Variants in FAM229B observed in about 807,000 individuals in gnomAD.
The protein encoded by FAM229B is protein FAM229B.
In FAM229B, 2 loss-of-function variants were observed where a neutral mutation model predicts 6.7. That is an observed-to-expected ratio of 0.30 (90% confidence interval 0.12 to 0.94). The LOEUF is 0.94. Among genes scored for constraint, FAM229B ranks in the 40% least tolerant of loss-of-function variants. The probability of loss-of-function intolerance (pLI) is 0.54; values close to 1 mark genes in which losing one functional copy is unlikely to be tolerated. For missense variants in FAM229B, 93 were observed against 96.2 expected (o/e 0.97, Z 0.14); for synonymous variants, 29 against 34.0 (o/e 0.85, Z 0.51).
At chr6:112,100,173 T>A (rs1215255842) in intron 3 of FAM229B, among the ~76,000 whole-genome samples, 1 of 152,244 alleles carries the variant, frequency 6.6e-6, no homozygotes, top group African/African-American at 2.4e-5. Flanking sequence ...ATATATTCGA[T>A]GTATTTTTGA....
chr6:112,094,886 C>T (rs1554318518), intron 1 of FAM229B, among the ~76,000 whole-genome samples: 1 of 152,104 alleles, frequency 6.6e-6, no homozygotes, highest in East Asian at 1.9e-4. Flanking sequence ...TTGCATTGCT[C>T]TTGTTTATCT....
At chr6:112,093,389 A>G (rs1777282284) in intron 1 of FAM229B, among the ~76,000 whole-genome samples, 2 of 152,090 alleles carry the variant, frequency 1.3e-5, no homozygotes, top group South Asian at 4.1e-4. Context: ...AAAACTGCAG[A>G]ATAGAAAGGA....
intron 1 of FAM229B, among the ~76,000 whole-genome samples, chr6:112,089,406 A>G (rs1777227458): frequency 6.6e-6 from 1 of 152,176 alleles, no homozygotes; most frequent in South Asian, 2.1e-4. Flanking sequence ...AATTCATCAT[A>G]TCTACTTTGT....
intron 2 of FAM229B, among the ~76,000 whole-genome samples, chr6:112,098,783 C>A (rs1344765464): frequency 7.2e-5 from 11 of 152,174 alleles, no homozygotes; most frequent in Non-Finnish European, 1.5e-4. Context: ...TAAAGGCATA[C>A]AGAATTTTGT....
chr6:112,100,896 C>A lies in FAM229B; in HGVS notation c.*109C>A. The A allele has an allele frequency of 1.3e-6, 1 of 781,268 alleles. No homozygotes were observed. The highest frequency in any genetic ancestry group is 2.2e-6 in the Non-Finnish European group (1 of 457,084). 48.4% of individuals were successfully genotyped at this position (781,268 alleles called of 1,614,324 possible). A position where few individuals can be genotyped will look rare whatever the true frequency, so the allele number is the denominator to read the frequency against. On this transcript the variant is annotated 3_prime_UTR_variant, in exon 4 of 4. Coordinates refer to ENST00000368656, the MANE Select transcript of FAM229B (RefSeq NM_001033564.3). ...TGGTGGCACCTTTAGATGATGACAA[C>A]AGTTGAGCTCTTTACTTTTAGTAAG...
At chr6:112,090,626 A>G (rs781834450) in intron 1 of FAM229B, among the ~76,000 whole-genome samples, 5 of 152,190 alleles carry the variant, frequency 3.3e-5, no homozygotes, top group South Asian at 4.1e-4. Context: ...TACATGATAC[A>G]TGTCCATTGA....
At position 112,099,314 on chromosome 6, in the gene FAM229B, A is replaced by T. The variant is rs781818226; in HGVS notation, c.31A>T (p.Arg11Trp). ...TTTTCAATTTGGAACCCAGCCAAGG[A>T]GGTTTCCAGTGGAAGGAGGAGATTC... MPFQFGTQPR[R>W]FPVEGGDSSI... Residue 11 changes from arginine to tryptophan, a missense_variant, in exon 3 of 4, where the codon AGG becomes TGG. Physicochemically the swap from Arg to Trp is moderately radical, Grantham distance 101. Transcript: ENST00000368656. 1 of 1,613,810 alleles carries T rather than the reference A, an allele frequency of 6.2e-7. No homozygotes were observed. The highest frequency in any genetic ancestry group is 1.1e-5 in the South Asian group (1 of 91,062).
At chr6:112,100,336 T>C (rs2114511618) in intron 3 of FAM229B, among the ~76,000 whole-genome samples, 2 of 152,370 alleles carry the variant, frequency 1.3e-5, no homozygotes, top group East Asian at 3.9e-4. Context: ...TGCACATGAA[T>C]TGCCACGGTA....
At chr6:112,090,524 C>G (rs1777243808) in intron 1 of FAM229B, among the ~76,000 whole-genome samples, 1 of 152,018 alleles carries the variant, frequency 6.6e-6, no homozygotes, top group South Asian at 2.1e-4. Context: ...AAGTCTGGAC[C>G]AAAGTCTGTA....
chr6:112,088,648 G>A (rs1412711935), intron 1 of FAM229B, among the ~76,000 whole-genome samples: 1 of 152,102 alleles, frequency 6.6e-6, no homozygotes, highest in Non-Finnish European at 1.5e-5. Context: ...GTAATAGGCA[G>A]CTTTCGGTCA....
intron 3 of FAM229B, 111 bp downstream of exon 3, chr6:112,099,519 T>A: frequency 9.1e-7 from 1 of 1,098,024 alleles, no homozygotes; most frequent in Non-Finnish European, 1.3e-6. Context: ...TTCAAAAACA[T>A]TGTTGTTTCT....
intron 3 of FAM229B, 75 bp from the exon 4 acceptor site, chr6:112,100,595 C>A: frequency 1.1e-6 from 1 of 941,940 alleles, no homozygotes; most frequent in South Asian, 1.4e-5. Context: ...AATATACAAT[C>A]AAACTTTGGT....
intron 2 of FAM229B, 103 bp from the exon 3 acceptor site, chr6:112,099,167 C>G (rs782187262): frequency 8.8e-6 from 9 of 1,025,162 alleles, no homozygotes; most frequent in South Asian, 1.7e-5. Flanking sequence ...GAGACTCTGA[C>G]TCTTTAAAAC....
chr6:112,100,505 A>G (rs1160376822), intron 3 of FAM229B, among the ~76,000 whole-genome samples, 165 bp from the exon 4 acceptor site: 4 of 152,236 alleles, frequency 2.6e-5, no homozygotes, highest in Non-Finnish European at 5.9e-5. Flanking sequence ...ATATCCATCT[A>G]AAATGGGTGC....
At chr6:112,092,890 A>G (rs1010583732) in intron 1 of FAM229B, among the ~76,000 whole-genome samples, 9 of 152,030 alleles carry the variant, frequency 5.9e-5, no homozygotes, top group African/African-American at 7.2e-5. Context: ...ACAAAACACA[A>G]AGGTGTATAG....
At chr6:112,100,552 A>G (rs1283840080) in intron 3 of FAM229B, 118 bp from the exon 4 acceptor site, 1 of 671,260 alleles carries the variant, frequency 1.5e-6, no homozygotes, top group Non-Finnish European at 2.6e-6. Context: ...ATTGTATGAC[A>G]TTCAGAGATT....
rs1361034663 is a variant in FAM229B at position 112,101,112 on chromosome 6, T to G, written c.*325T>G. 3.3e-4 allele frequency: 69 copies of G among 209,492 alleles called. No homozygotes were observed. Among genetic ancestry groups the G allele is most frequent in the Non-Finnish European group, 6.3e-4 (66 of 104,598 alleles). 13.0% of individuals were successfully genotyped at this position (209,492 alleles called of 1,614,324 possible). On this transcript the variant is annotated 3_prime_UTR_variant, in exon 4 of 4. Coordinates refer to ENST00000368656, the MANE Select transcript of FAM229B (RefSeq NM_001033564.3). ...GTCATCAGTCAGGTGGGGCTTATTC[T>G]AAATGCTTAATGTGTCTTAAGCTCA...
At chr6:112,095,660 A>AAC (rs1777313944) in intron 1 of FAM229B, among the ~76,000 whole-genome samples, 2 of 122,944 alleles carry the variant, frequency 1.6e-5, no homozygotes, top group African/African-American at 3.3e-5. Flanking sequence ...AAAAAAAAAA[A>AAC]CCAAAAAAAA....
chr6:112,089,498 A>T (rs1368366157), intron 1 of FAM229B, among the ~76,000 whole-genome samples: 3 of 152,204 alleles, frequency 2.0e-5, no homozygotes, highest in African/African-American at 4.8e-5. Context: ...CTCAAGCTCT[A>T]TGAGGGCTGA....
Sources: gnomAD v4.1 joint callset for allele counts (sites outside exome capture counted in the v4.1 genomes callset) on GRCh38, gnomAD v4.1.1 for gene constraint, MANE v1.5 for transcripts, NCBI Gene and HGNC (gene_info 2026-07-23, HGNC 2026-07-21) for gene names.